Variants in ERICH6 observed in about 807,000 individuals in gnomAD.
ERICH6 encodes the protein glutamate rich 6, also known as glutamate-rich protein 6.
ERICH6 carries 71 observed loss-of-function variants against 71.0 expected under a neutral mutation model. The ratio of observed to expected loss-of-function variants is 1.00; its 90% CI spans 0.83 to 1.22. The LOEUF is 1.22. Among genes scored for constraint, ERICH6 ranks in the 50% most tolerant of loss-of-function variants. ERICH6 has a pLI of 0.00. For synonymous variants in ERICH6, 262 were observed against 278.4 expected (o/e 0.94, Z 0.59); for missense variants, 808 against 797.2 (o/e 1.01, Z -0.16).
rs1253424356 is a variant in ERICH6, at chr3:150,703,751, C to CCTCCACCTCTTCCTCCTCCTT, written c.147_148insAAGGAGGAGGAAGAGGTGGAG (p.Glu49_Glu50insLysGluGluGluGluValGlu). 1.3e-6 allele frequency: 2 copies of CCTCCACCTCTTCCTCCTCCTT among 1,576,528 alleles called. No homozygotes were observed. Among genetic ancestry groups the CCTCCACCTCTTCCTCCTCCTT allele is most frequent in the Non-Finnish European group, 1.7e-6 (2 of 1,169,904 alleles). ...TCCTCCACCACCTCCTCCTCCTCCT[C>CCTCCACCTCTTCCTCCTCCTT]CTCCACCTCTTCCTCCTCCTCCTCC... is the stretch of plus-strand genomic sequence containing the variant. On this transcript the variant is annotated inframe_insertion, in exon 1 of 14. Coordinates refer to ENST00000295910, the MANE Select transcript of ERICH6 (RefSeq NM_152394.5).
chr3:150,694,886 C>T (rs1336098726), intron 3 of ERICH6, among the ~76,000 whole-genome samples: 1 of 152,182 alleles, frequency 6.6e-6, no homozygotes, highest in East Asian at 1.9e-4. Flanking sequence ...GTTCTGGAAG[C>T]TGAGAAGTCC....
intron 10 of ERICH6, among the ~76,000 whole-genome samples, chr3:150,676,817 A>AT (rs1711673420): frequency 7.3e-5 from 11 of 150,886 alleles, no homozygotes; most frequent in Non-Finnish European, 1.0e-4. Flanking sequence ...ATTAAAAAAA[A>AT]ATTTTTTTTT....
At chr3:150,672,545 C>T (rs956589495) in intron 11 of ERICH6, among the ~76,000 whole-genome samples, 2 of 151,946 alleles carry the variant, frequency 1.3e-5, no homozygotes, top group East Asian at 1.9e-4. Context: ...TTGCAGTGAG[C>T]CAAGATCCCA....
At chr3:150,685,700 A>AT (rs761084103) in intron 6 of ERICH6, 42 bp downstream of exon 6, 5 of 1,444,558 alleles carry the variant, frequency 3.5e-6, no homozygotes, top group East Asian at 2.3e-5. Flanking sequence ...TTCTTATGTC[A>AT]TTTTTTTAAG....
chr3:150,686,229 G>A, intron 4 of ERICH6, 69 bp downstream of exon 4: 2 of 1,541,976 alleles, frequency 1.3e-6, no homozygotes, highest in East Asian at 2.2e-5. Context: ...CTCTGTGCGA[G>A]TTAAGGTGAT....
intron 8 of ERICH6, 47 bp downstream of exon 8, chr3:150,680,726 G>T (rs368067441): frequency 6.6e-5 from 103 of 1,571,052 alleles, no homozygotes; most frequent in Non-Finnish European, 7.7e-6. Flanking sequence ...AACGAGCTCC[G>T]ATTAAGCCGG....
intron 6 of ERICH6, among the ~76,000 whole-genome samples, chr3:150,685,455 AT>A (rs1185729750): frequency 6.6e-6 from 1 of 152,060 alleles, no homozygotes; most frequent in East Asian, 1.9e-4. Context: ...GGAAGGGAGG[AT>A]TTTCCCCTAT....
intron 1 of ERICH6, 70 bp downstream of exon 1, chr3:150,703,426 A>C (rs1351001548): frequency 3.4e-6 from 5 of 1,478,888 alleles, no homozygotes; most frequent in African/African-American, 1.4e-5. Flanking sequence ...GGCACCACCC[A>C]GGAGTGGGTG....
intron 11 of ERICH6, among the ~76,000 whole-genome samples, chr3:150,671,513 G>A (rs1051836870): frequency 1.3e-5 from 2 of 152,194 alleles, no homozygotes; most frequent in Non-Finnish European, 2.9e-5. Context: ...TCATGGGTGT[G>A]TAAACTGGTA....
In ERICH6 at chr3:150,678,485, T is replaced by C. The variant is rs780983077; in HGVS notation, c.1181A>G (p.Asp394Gly). Residue 394 changes from aspartate (D) to glycine (G), a missense_variant, in exon 10 of 14, where the codon GAC becomes GGC. Physicochemically the swap from Asp to Gly is moderately conservative, Grantham distance 94. Coordinates refer to ENST00000295910, the MANE Select transcript of ERICH6 (RefSeq NM_152394.5). ...VDIPEKQIID[D>G]IVFDFQLRNS... ...TCTTAGTTGAAAATCAAATACAATGTCATCAATTATCTGTTTTTCTGGAAT... is the reference window on the plus strand; with the variant it reads ...TCTTAGTTGAAAATCAAATACAATGCCATCAATTATCTGTTTTTCTGGAAT... 2 of 1,603,682 alleles carry C rather than the reference T, an allele frequency of 1.2e-6. No individual in the cohort carries two copies. The highest frequency in any genetic ancestry group is 1.8e-5 in the Admixed American group (1 of 56,850).
intron 11 of ERICH6, among the ~76,000 whole-genome samples, chr3:150,669,957 G>T (rs1711497642): frequency 6.6e-6 from 1 of 152,118 alleles, no homozygotes. Flanking sequence ...ACTTACGGAG[G>T]CCAAGGCAGG....
chr3:150,693,137 T>G lies in ERICH6; in HGVS notation c.553+5654A>C, dbSNP rs565074184. Among the ~76,000 whole-genome samples the G allele has an allele frequency of 8.5e-5, 13 of 152,212 alleles. No homozygotes were observed. The East Asian group carries it at 1.9e-3, about 23-fold the overall frequency. ...GTACTCCTAAGAACAAAATTTGGAG[T>G]GTATTTGTTTTCTCTCTACCTGATT... On this transcript the variant is annotated intron_variant, in intron 3 of 13. Transcript: ENST00000295910.
chr3:150,660,797 G>A (rs1463575179), intron 13 of ERICH6, among the ~76,000 whole-genome samples: 1 of 152,188 alleles, frequency 6.6e-6, no homozygotes, highest in African/African-American at 2.4e-5. Flanking sequence ...CCTAGAAGGG[G>A]CATTTAGCCT....
At chr3:150,697,584 G>C (rs575744431) in intron 3 of ERICH6, among the ~76,000 whole-genome samples, 1 of 152,054 alleles carries the variant, frequency 6.6e-6, no homozygotes, top group Non-Finnish European at 1.5e-5. Context: ...AGTATCATTT[G>C]AGCCTGTTGA....
chr3:150,680,722 C>T (rs1711876113), intron 8 of ERICH6, 51 bp downstream of exon 8: 1 of 1,567,168 alleles, frequency 6.4e-7, no homozygotes, highest in African/African-American at 1.4e-5. Flanking sequence ...ACAAAACGAG[C>T]TCCGATTAAG....
intron 10 of ERICH6, among the ~76,000 whole-genome samples, chr3:150,677,502 A>ATTTTTTTTTTTTTTTT (rs1256486661): frequency 6.8e-6 from 1 of 147,380 alleles, no homozygotes; most frequent in Non-Finnish European, 1.5e-5. Flanking sequence ...TGAAAAAAAA[A>ATTTTTTTTTTTTTTTT]TTTTTTTTTT....
intron 3 of ERICH6, among the ~76,000 whole-genome samples, chr3:150,689,888 C>A (rs1712354593): frequency 6.6e-6 from 1 of 152,184 alleles, no homozygotes; most frequent in South Asian, 2.1e-4. Flanking sequence ...ACAAGTTCAG[C>A]TCAGCTTTTA....
intron 3 of ERICH6, among the ~76,000 whole-genome samples, chr3:150,696,312 T>A (rs189679050): frequency 6.6e-6 from 1 of 152,166 alleles, no homozygotes; most frequent in East Asian, 1.9e-4. Flanking sequence ...TTGATTTAGG[T>A]GCTAAAGATA....
At chr3:150,689,307 C>G (rs1238092517) in intron 3 of ERICH6, among the ~76,000 whole-genome samples, 1 of 152,088 alleles carries the variant, frequency 6.6e-6, no homozygotes, top group African/African-American at 2.4e-5. Flanking sequence ...TGTATCTTTA[C>G]ATAACAAGGC....
Sources: gnomAD v4.1 joint callset for allele counts (sites outside exome capture counted in the v4.1 genomes callset) on GRCh38, gnomAD v4.1.1 for gene constraint, MANE v1.5 for transcripts, NCBI Gene and HGNC (gene_info 2026-07-23, HGNC 2026-07-21) for gene names.